ZC3H18: variants seen among roughly 807,000 people sequenced by gnomAD.
ZC3H18 encodes zinc finger CCCH-type containing 18, also known as zinc finger CCCH domain-containing protein 18.
ZC3H18 carries 8 observed loss-of-function variants against 106.1 expected under a neutral mutation model. That is an observed-to-expected ratio of 0.08 (90% CI 0.04 to 0.14). ZC3H18 has a LOEUF of 0.14. Among genes scored for constraint, ZC3H18 ranks in the 10% least tolerant of loss-of-function variants. ZC3H18 has a pLI of 1.00. For missense variants in ZC3H18, 1,318 were observed against 1,278.4 expected (o/e 1.03, Z -0.47); for synonymous variants, 635 against 522.1 (o/e 1.22, Z -2.95).
At position 88,577,286 on chromosome 16, in the gene ZC3H18, G is replaced by T; in HGVS notation, c.163G>T (p.Ala55Ser). The change falls in exon 2 of 18, where the codon GCC (alanine) becomes TCC (serine). Residue 55 changes from alanine (A) to serine (S), a missense_variant. This residue lies in a region of ZC3H18 where 346 missense variants were observed against 269.0 expected (regional missense o/e 1.29). Transcript: ENST00000301011. The part of the protein sequence containing the change: ...ASDLEDEESA[A>S]RGPSQEEEDN... ...TGATCTGGAGGATGAGGAAAGTGCA[G>T]CCAGGGGGCCGAGCCAGGAGGAGGA... The T allele has an allele frequency of 1.9e-6, 3 of 1,613,158 alleles. No homozygotes were observed. The highest frequency in any genetic ancestry group is 2.5e-6 in the Non-Finnish European group (3 of 1,179,594).
intron 2 of ZC3H18, among the ~76,000 whole-genome samples, chr16:88,583,137 C>G (rs770899306): frequency 1.3e-5 from 2 of 152,228 alleles, no homozygotes; most frequent in Admixed American, 6.5e-5. Context: ...CGCAGTGGCC[C>G]CCTTTCCTTA....
rs577883900 is a variant in ZC3H18, at chr16:88,620,585, GA to G, written c.1476-1597del. Among the ~76,000 whole-genome samples the G allele has an allele frequency of 4.3e-3, 437 of 102,392 alleles. 5 individuals are homozygous for G. The highest frequency in any genetic ancestry group is 0.021 in the East Asian group (67 of 3,258). The allele number at this position is 102,392 out of a possible 152,430, so 67.2% of individuals were successfully genotyped here. On this transcript the variant is annotated intron_variant, in intron 8 of 17. Transcript: ENST00000301011. The stretch of plus-strand genomic sequence containing the variant: ...AGAGCAAGACCCTGTCTCTAAAAAA[GA>G]AAAAAAAAAAAAAAGCCACGTTCTG...
In ZC3H18 at chr16:88,623,263, G is replaced by A. The variant is rs146961888; in HGVS notation, c.1712G>A (p.Arg571Gln). Residue 571 changes from arginine to glutamine, a missense_variant, in exon 10 of 18, where the codon CGG (arginine) becomes CAG (glutamine). This residue lies in a region of ZC3H18 where 848 missense variants were observed against 821.7 expected (regional missense o/e 1.03). Coordinates refer to ENST00000301011, the MANE Select transcript of ZC3H18 (RefSeq NM_144604.4). ...SSSYSGSGSSRSRSRSSSYSS... is the reference protein window; with the variant it reads ...SSSYSGSGSSQSRSRSSSYSS... ...TCCTACTCTGGCTCCGGCTCCTCCC[G>A]GTCGCGATCCCGGTCTTCATCCTAC... 26 of 1,613,462 alleles carry A rather than the reference G, an allele frequency of 1.6e-5. No individual in the cohort carries two copies. Among genetic ancestry groups the A allele is most frequent in the East Asian group, 6.7e-5 (3 of 44,890 alleles).
intron 3 of ZC3H18, among the ~76,000 whole-genome samples, chr16:88,592,191 G>GT (rs929692815): frequency 4.2e-4 from 64 of 151,592 alleles, no homozygotes; most frequent in Middle Eastern, 3.4e-3. Context: ...TCTGTTCTCT[G>GT]TTTTTTTTTG....
intron 8 of ZC3H18, among the ~76,000 whole-genome samples, chr16:88,621,915 TAA>T (rs938216999): frequency 1.3e-5 from 2 of 152,170 alleles, no homozygotes; most frequent in Non-Finnish European, 2.9e-5. Context: ...GGAAATTAAG[TAA>T]GTAATGACAC....
chr16:88,630,424 C>G, intron 16 of ZC3H18, 61 bp from the exon 17 acceptor site: 1 of 1,412,810 alleles, frequency 7.1e-7, no homozygotes, highest in Non-Finnish European at 9.9e-7. Flanking sequence ...TCGGTGAGGC[C>G]ACCCACACAG....
chr16:88,623,219 G>C lies in ZC3H18; in HGVS notation c.1668G>C (p.Arg556Ser). Residue 556 changes from arginine (R) to serine (S), a missense_variant and splice_region_variant, in exon 10 of 18, where the codon AGG becomes AGC. Physicochemically the swap from Arg to Ser is moderately radical, Grantham distance 110. Transcript: ENST00000301011. The stretch of plus-strand genomic sequence containing the variant: ...CCACGCTCCGTCCCGCCCGCCCCAG[G>C]TCGTCTTCGCGGTCATCGTCCTACT... ...ASSASASNSS[R>S]SSSRSSSYSG... 1 of 1,612,304 alleles carries C rather than the reference G, an allele frequency of 6.2e-7. No homozygotes were observed. Among genetic ancestry groups the C allele is most frequent in the Non-Finnish European group, 8.5e-7 (1 of 1,179,734 alleles).
chr16:88,625,607 G>A, intron 13 of ZC3H18: 1 of 338,294 alleles, frequency 3.0e-6, no homozygotes, highest in Non-Finnish European at 5.6e-6. Flanking sequence ...CAGCCCAGCA[G>A]GGCAGAGGCT....
At chr16:88,621,797 C>T (rs913592787) in intron 8 of ZC3H18, among the ~76,000 whole-genome samples, 1 of 152,186 alleles carries the variant, frequency 6.6e-6, no homozygotes, top group Non-Finnish European at 1.5e-5. Context: ...GGGCTTATTT[C>T]ATAAATATTT....
chr16:88,594,219 T>C (rs11076684), intron 3 of ZC3H18, among the ~76,000 whole-genome samples: 136,620 of 152,194 alleles, frequency 0.9, 61,476 homozygotes, highest in East Asian at 0.95. Context: ...CAAAGAATGC[T>C]ATTCCTCTCA....
Position 88,585,595 on chromosome 16 carries a change from A to G in ZC3H18, c.604-1005A>G, listed in dbSNP as rs528207178. Reference sequence around the variant, plus strand: ...AGGCCACCCCAAGGAAGGGGACTCAAGCTTCCATCTGAAAGTAAGTTGAAT... The same window carrying G: ...AGGCCACCCCAAGGAAGGGGACTCAGGCTTCCATCTGAAAGTAAGTTGAAT... On this transcript the variant is annotated intron_variant, in intron 2 of 17. Transcript: ENST00000301011. Among the ~76,000 whole-genome samples the G allele has an allele frequency of 1.6e-4, 24 of 152,316 alleles. No individual in the cohort carries two copies. The South Asian group carries it at 4.3e-3, about 28-fold the overall frequency.
At chr16:88,587,655 T>G (rs766444787) in intron 3 of ZC3H18, 18 of 1,493,246 alleles carry the variant, frequency 1.2e-5, no homozygotes, top group Non-Finnish European at 4.5e-6. Context: ...TACCTTAAAG[T>G]CCCCCTACTC....
At chr16:88,600,711 C>T (rs918022232) in intron 6 of ZC3H18, among the ~76,000 whole-genome samples, 1 of 152,236 alleles carries the variant, frequency 6.6e-6, no homozygotes, top group East Asian at 1.9e-4. Flanking sequence ...CTGCACCCAG[C>T]CCCTTTATGC....
chr16:88,590,230 G>T (rs4782505), intron 3 of ZC3H18, among the ~76,000 whole-genome samples: 71,772 of 152,054 alleles, frequency 0.47, 17,381 homozygotes, highest in East Asian at 0.57. Flanking sequence ...GGGATGACAG[G>T]CATGAGCCAC....
In ZC3H18 at chr16:88,624,619, A is replaced by G. The variant is rs771674452; in HGVS notation, c.1916A>G (p.Lys639Arg). ...TCTCACAGAGAGAAGTCAGTGAAGA[A>G]GCCGGCCCCGCCTCCAGCCCCACCA... ...PGKAGEKSVK[K>R]PAPPPAPPQA... The change falls in exon 12 of 18, where the codon AAG (lysine) becomes AGG (arginine). Residue 639 changes from lysine to arginine, a missense_variant. Coordinates refer to ENST00000301011, the MANE Select transcript of ZC3H18 (RefSeq NM_144604.4). The G allele has an allele frequency of 6.2e-7, 1 of 1,613,588 alleles. No homozygotes were observed.
At chr16:88,588,920 C>T (rs758473751) in intron 3 of ZC3H18, among the ~76,000 whole-genome samples, 2 of 151,974 alleles carry the variant, frequency 1.3e-5, no homozygotes, top group South Asian at 2.1e-4. Context: ...GATAAGGCAG[C>T]ATTTTTGCGG....
chr16:88,598,905 G>C (rs1424094800), intron 5 of ZC3H18, among the ~76,000 whole-genome samples, 193 bp downstream of exon 5: 1 of 152,030 alleles, frequency 6.6e-6, no homozygotes, highest in Non-Finnish European at 1.5e-5. Context: ...TGTTGCCCAG[G>C]CTGGAGTGCA....
intron 6 of ZC3H18, among the ~76,000 whole-genome samples, chr16:88,603,211 C>G (rs1347960166): frequency 2.0e-5 from 3 of 152,066 alleles, no homozygotes; most frequent in African/African-American, 7.2e-5. Context: ...CGTGATCTGC[C>G]TGCCTCGGCC....
intron 16 of ZC3H18, among the ~76,000 whole-genome samples, chr16:88,629,596 A>T (rs1906533574): frequency 6.6e-6 from 1 of 152,184 alleles, no homozygotes; most frequent in South Asian, 2.1e-4. Flanking sequence ...CTGGACCCAC[A>T]TGCCTCGTGC....
Sources: allele counts gnomAD v4.1 joint callset (sites outside exome capture counted in the v4.1 genomes callset), GRCh38; gene constraint gnomAD v4.1.1; regional missense constraint gnomAD v4.1.1; transcripts MANE v1.5; gene names NCBI Gene and HGNC (gene_info 2026-07-23, HGNC 2026-07-21).